Variants in PWWP2A observed in about 807,000 individuals in gnomAD.
PWWP2A encodes PWWP domain containing 2A.
PWWP2A carries 18 observed loss-of-function variants against 48.5 expected under a neutral mutation model. The ratio of observed to expected loss-of-function variants is 0.37; its 90% CI spans 0.26 to 0.55. PWWP2A has a LOEUF of 0.55. PWWP2A is among the 20% of genes least tolerant of loss of function. The probability of loss-of-function intolerance (pLI) is 0.81; values close to 1 mark genes in which losing one functional copy is unlikely to be tolerated. For missense variants in PWWP2A, 867 were observed against 976.4 expected, an observed-to-expected ratio of 0.89 and a Z score of 1.49; for synonymous variants, 396 against 387.7, an observed-to-expected ratio of 1.02 and a Z score of -0.25.
chr5:160,113,115 G>T, intron 1 of PWWP2A: 1 of 495,780 alleles, frequency 2.0e-6, no homozygotes, highest in Non-Finnish European at 2.6e-6. Flanking sequence ...CCGAAGTCCC[G>T]CCACTGCACT....
intron 1 of PWWP2A, among the ~76,000 whole-genome samples, chr5:160,104,140 A>AAAAAAAAAAG (rs1756614754): frequency 6.7e-6 from 1 of 149,424 alleles, no homozygotes; most frequent in Non-Finnish European, 1.5e-5. Context: ...AAAAAAAAAA[A>AAAAAAAAAAG]GAAATGAAAA....
chr5:160,053,063 T>C, the PWWP2A span, among the ~76,000 whole-genome samples: 1 of 152,188 alleles, frequency 6.6e-6, no homozygotes, highest in Non-Finnish European at 1.5e-5. Flanking sequence ...AATCACTCTT[T>C]ACATGGAATT....
chr5:160,089,465 G>C (rs1754898677), downstream of PWWP2A: 2 of 1,098,040 alleles, frequency 1.8e-6, no homozygotes, highest in African/African-American at 3.3e-5. Flanking sequence ...TCCCACCTTG[G>C]CCTTCCAAAC....
downstream of PWWP2A, among the ~76,000 whole-genome samples, chr5:160,074,110 C>T (rs1753810228): frequency 6.6e-6 from 1 of 150,948 alleles, no homozygotes; most frequent in Non-Finnish European, 1.5e-5. Context: ...AAAGATTTGG[C>T]AGCATGCTAA....
intron 4 of PWWP2A, chr5:160,065,027 T>TC (rs1229835161): frequency 4.3e-6 from 7 of 1,612,832 alleles, no homozygotes; most frequent in Non-Finnish European, 5.1e-6. Context: ...CGGCTCGTAC[T>TC]CCATCAATTT....
At chr5:160,098,811 T>C (rs1338617558) in intron 1 of PWWP2A, among the ~76,000 whole-genome samples, 2 of 152,110 alleles carry the variant, frequency 1.3e-5, no homozygotes, top group African/African-American at 4.8e-5. Context: ...CTACTAAAAA[T>C]ACAAAAATCA....
downstream of PWWP2A, among the ~76,000 whole-genome samples, chr5:160,087,870 A>T (rs1044498546): frequency 6.6e-6 from 1 of 152,206 alleles, no homozygotes; most frequent in African/African-American, 2.4e-5. Context: ...TAAGACAAAG[A>T]GTTGTTTATC....
At chr5:160,103,225 TAAG>T (rs1756496602) in intron 1 of PWWP2A, among the ~76,000 whole-genome samples, 2 of 152,228 alleles carry the variant, frequency 1.3e-5, no homozygotes, top group Non-Finnish European at 2.9e-5. Context: ...TATCTAAAAA[TAAG>T]AAGCTAAAAA....
the PWWP2A span, among the ~76,000 whole-genome samples, chr5:160,046,480 C>G: frequency 6.6e-6 from 1 of 151,986 alleles, no homozygotes; most frequent in Non-Finnish European, 1.5e-5. Context: ...AGCGTGGGAC[C>G]CTCTTCTTTT....
At chr5:160,115,470 T>C (rs1034824104) in intron 1 of PWWP2A, among the ~76,000 whole-genome samples, 2 of 151,924 alleles carry the variant, frequency 1.3e-5, no homozygotes, top group Non-Finnish European at 2.9e-5. Flanking sequence ...GGTAGGCAGA[T>C]TACCTGAGGT....
chr5:160,058,681 G>C (rs948451586), downstream of PWWP2A, among the ~76,000 whole-genome samples: 2 of 152,054 alleles, frequency 1.3e-5, no homozygotes, highest in Non-Finnish European at 2.9e-5. Context: ...AAAGTGCTGG[G>C]ATTACAGGCG....
intron 1 of PWWP2A, among the ~76,000 whole-genome samples, chr5:160,095,713 A>G (rs75214548): frequency 0.061 from 8,326 of 137,026 alleles, 272 homozygotes; most frequent in East Asian, 0.1. Context: ...TTTTTTTTAA[A>G]GACAAGATCT....
downstream of PWWP2A, chr5:160,089,834 A>ATAAG (rs1298913567): frequency 1.0e-6 from 1 of 985,294 alleles, no homozygotes; most frequent in African/African-American, 1.7e-5. Context: ...CATATCAAGA[A>ATAAG]TAAGTGCCTT....
At chr5:160,084,559 G>C (rs1452573434) in intron 2 of PWWP2A, among the ~76,000 whole-genome samples, 1 of 151,940 alleles carries the variant, frequency 6.6e-6, no homozygotes, top group Non-Finnish European at 1.5e-5. Context: ...CTCCCAAGTA[G>C]CTGGGACTAC....
intron 2 of PWWP2A, chr5:160,080,820 AATCC>A: frequency 1.4e-6 from 2 of 1,468,502 alleles, no homozygotes; most frequent in Non-Finnish European, 1.8e-6. Context: ...CGAGTTTTTT[AATCC>A]ATCCATTTTA....
intron 3 of PWWP2A, among the ~76,000 whole-genome samples, chr5:160,079,244 T>A (rs2113462666): frequency 6.6e-6 from 1 of 152,164 alleles, no homozygotes; most frequent in African/African-American, 2.4e-5. Context: ...ACCTTCCCCA[T>A]GATTTGACAG....
chr5:160,102,503 C>T lies in PWWP2A; in HGVS notation c.585-8438G>A, dbSNP rs1756425063. Reference sequence around the variant, plus strand: ...CTTGAGGCCAGGAGTTTAATTAAGTCCAGCCTGGGCAACACAGTGAGACCT... The same window carrying T: ...CTTGAGGCCAGGAGTTTAATTAAGTTCAGCCTGGGCAACACAGTGAGACCT... On this transcript the variant is annotated intron_variant, in intron 1 of 1. Transcript: ENST00000307063. 2.6e-5 allele frequency among the ~76,000 whole-genome samples: 4 copies of T among 151,430 alleles called. No homozygotes were observed. In the South Asian group the frequency reaches 8.4e-4, roughly 32 times the overall value.
Position 160,077,832 on chromosome 5 carries a change from A to G in PWWP2A, c.*323T>C, listed in dbSNP as rs1753963675. Reference sequence around the variant, plus strand: ...GCCTGTCCAAACTGTACTGATAAGAACTTCACATTCCAAAGAAGTTACTGT... The same window carrying G: ...GCCTGTCCAAACTGTACTGATAAGAGCTTCACATTCCAAAGAAGTTACTGT... On this transcript the variant is annotated 3_prime_UTR_variant, in exon 4 of 4. Coordinates refer to the PWWP2A transcript ENST00000456329. This position sits in a 1 kb window ranked among gnomAD's most constrained non-coding sequence, Gnocchi z 4.2. 6.2e-6 allele frequency: 2 copies of G among 321,996 alleles called. No individual in the cohort carries two copies. The highest frequency in any genetic ancestry group is 1.2e-5 in the Non-Finnish European group (2 of 171,606). The allele number at this position is 321,996 out of a possible 1,614,324, so 19.9% of individuals were successfully genotyped here. A position where few individuals can be genotyped will look rare whatever the true frequency, so the allele number is the denominator to read the frequency against.
At chr5:160,115,272 C>T (rs1758007584) in intron 1 of PWWP2A, among the ~76,000 whole-genome samples, 1 of 151,392 alleles carries the variant, frequency 6.6e-6, no homozygotes. Flanking sequence ...GAAAATATAG[C>T]TGGCTGGCTG....
Sources: gnomAD v4.1 joint callset for allele counts (sites outside exome capture counted in the v4.1 genomes callset) on GRCh38, gnomAD v4.1.1 for gene constraint, Gnocchi (gnomAD v3.1) non-coding constraint, MANE v1.5 for transcripts, NCBI Gene and HGNC (gene_info 2026-07-23, HGNC 2026-07-21) for gene names.